The following HS6ST3 variants were observed in gnomAD, a reference collection of about 807,000 sequenced individuals.
HS6ST3 encodes the protein heparan-sulfate 6-O-sulfotransferase 3.
HS6ST3 carries 12 observed loss-of-function variants against 36.7 expected under a neutral mutation model. That is an observed-to-expected ratio of 0.33 (90% confidence interval 0.21 to 0.53). HS6ST3 has a LOEUF of 0.53. Ranked by LOEUF, HS6ST3 falls within the 20% of genes least tolerant of loss-of-function variation. HS6ST3 has a pLI of 0.95. For missense variants in HS6ST3, 584 were observed against 640.9 expected, an observed-to-expected ratio of 0.91 and a Z score of 0.96; for synonymous variants, 240 against 257.5, an observed-to-expected ratio of 0.93 and a Z score of 0.65.
intron 1 of HS6ST3, among the ~76,000 whole-genome samples, chr13:96,534,004 C>T (rs1487858852): frequency 6.6e-6 from 1 of 152,204 alleles, no homozygotes. Context: ...GCTTCTCCAG[C>T]CCCCAAATGA....
chr13:96,703,735 ATAGTC>A (rs1875348148), intron 1 of HS6ST3, among the ~76,000 whole-genome samples: 1 of 152,146 alleles, frequency 6.6e-6, no homozygotes, highest in Non-Finnish European at 1.5e-5. Context: ...TACCCTCAAA[ATAGTC>A]TGACATGGTT....
At chr13:96,786,696 TA>T (rs1877661292) in intron 1 of HS6ST3, among the ~76,000 whole-genome samples, 3 of 152,340 alleles carry the variant, frequency 2.0e-5, no homozygotes, top group African/African-American at 7.2e-5. Context: ...AGGATAATTA[TA>T]CATATGATTG....
intron 1 of HS6ST3, among the ~76,000 whole-genome samples, chr13:96,222,154 A>G (rs2054458858): frequency 1.3e-5 from 2 of 152,206 alleles, no homozygotes; most frequent in African/African-American, 4.8e-5. Flanking sequence ...AAAACTTCAT[A>G]AGACAGTCTA....
At chr13:96,803,349 A>C (rs549622222) in intron 1 of HS6ST3, among the ~76,000 whole-genome samples, 7 of 152,330 alleles carry the variant, frequency 4.6e-5, no homozygotes, top group Admixed American at 3.3e-4. Flanking sequence ...TCATTTAGCC[A>C]GATTTGTACC....
chr13:96,107,715 A>G (rs779427900), intron 1 of HS6ST3, among the ~76,000 whole-genome samples: 5 of 152,218 alleles, frequency 3.3e-5, no homozygotes, highest in Non-Finnish European at 5.9e-5. Context: ...TTTCATGGAC[A>G]TTTATTAGTT....
intron 1 of HS6ST3, among the ~76,000 whole-genome samples, chr13:96,455,857 A>G (rs2055752112): frequency 6.6e-6 from 1 of 152,238 alleles, no homozygotes; most frequent in African/African-American, 2.4e-5. Context: ...ATGGAAACAG[A>G]AAGCCTGTGC....
At chr13:96,303,522 G>A (rs942051536) in intron 1 of HS6ST3, among the ~76,000 whole-genome samples, 2 of 152,110 alleles carry the variant, frequency 1.3e-5, no homozygotes, top group African/African-American at 4.8e-5. Context: ...GGCATTCTGT[G>A]GGGGGCTGTG....
At chr13:96,633,912 T>C (rs907282559) in intron 1 of HS6ST3, among the ~76,000 whole-genome samples, 19 of 152,124 alleles carry the variant, frequency 1.2e-4, no homozygotes, top group Middle Eastern at 3.4e-3. Context: ...CCTTGTCACA[T>C]TGATTCCCAA....
intron 1 of HS6ST3, among the ~76,000 whole-genome samples, chr13:96,148,482 G>A (rs139886449): frequency 6.6e-6 from 1 of 152,276 alleles, no homozygotes; most frequent in African/African-American, 2.4e-5. Flanking sequence ...CTAGTATTTA[G>A]CTACTTCTGA....
chr13:96,718,454 A>G (rs189766620), intron 1 of HS6ST3, among the ~76,000 whole-genome samples: 15 of 152,252 alleles, frequency 9.9e-5, no homozygotes, highest in Admixed American at 4.6e-4. Context: ...GAATCAAGAT[A>G]TTTTTTCTAT....
chr13:96,686,731 T>C (rs1874791243), intron 1 of HS6ST3, among the ~76,000 whole-genome samples: 2 of 152,026 alleles, frequency 1.3e-5, no homozygotes, highest in Admixed American at 6.6e-5. Flanking sequence ...AGGCCCCTAA[T>C]CAAGTTTGTA....
At chr13:96,439,083 A>G (rs10851065) in intron 1 of HS6ST3, among the ~76,000 whole-genome samples, 35 of 43,306 alleles carry the variant, frequency 8.1e-4, no homozygotes, top group Non-Finnish European at 1.0e-3. Context: ...AAAAAAAAAG[A>G]AAAAAAAAGA....
intron 1 of HS6ST3, among the ~76,000 whole-genome samples, chr13:96,633,508 A>T (rs574831521): frequency 1.3e-5 from 2 of 152,334 alleles, no homozygotes; most frequent in Non-Finnish European, 1.5e-5. Context: ...AAGATAAAAG[A>T]ATTAAGACCT....
intron 1 of HS6ST3, among the ~76,000 whole-genome samples, chr13:96,304,742 G>C (rs554905387): frequency 4.2e-5 from 2 of 47,722 alleles, no homozygotes; most frequent in Admixed American, 5.0e-4. Context: ...ACAGAATCTC[G>C]CTCTGTCACC....
At chr13:96,585,505 CAA>C (rs1566404128) in intron 1 of HS6ST3, among the ~76,000 whole-genome samples, 1 of 152,186 alleles carries the variant, frequency 6.6e-6, no homozygotes, top group East Asian at 1.9e-4. Flanking sequence ...TTCAATAATA[CAA>C]TATATAATTA....
chr13:96,504,797 A>G (rs1296813956), intron 1 of HS6ST3, among the ~76,000 whole-genome samples: 1 of 152,154 alleles, frequency 6.6e-6, no homozygotes, highest in African/African-American at 2.4e-5. Flanking sequence ...AGAGACATTC[A>G]CTTGTGATAG....
At chr13:96,399,577 G>T (rs190937353) in intron 1 of HS6ST3, among the ~76,000 whole-genome samples, 12 of 152,286 alleles carry the variant, frequency 7.9e-5, no homozygotes, top group African/African-American at 4.8e-5. Context: ...GAAGAAATGC[G>T]CAGAGTTACT....
intron 1 of HS6ST3, among the ~76,000 whole-genome samples, chr13:96,546,852 A>G (rs1034926537): frequency 6.6e-6 from 1 of 152,176 alleles, no homozygotes; most frequent in African/African-American, 2.4e-5. Context: ...CCTAGAATAT[A>G]TATTTCAGCA....
chr13:96,244,988 T>C (rs1010628866), intron 1 of HS6ST3, among the ~76,000 whole-genome samples: 6 of 152,220 alleles, frequency 3.9e-5, no homozygotes, highest in Admixed American at 3.9e-4. Flanking sequence ...AGGCACAGCA[T>C]GTACAAAATA....
Sources: allele counts gnomAD v4.1 joint callset (sites outside exome capture counted in the v4.1 genomes callset), GRCh38; gene constraint gnomAD v4.1.1; transcripts MANE v1.5; gene names NCBI Gene and HGNC (gene_info 2026-07-23, HGNC 2026-07-21).